The following TG variants were observed in gnomAD, a reference collection of about 807,000 sequenced individuals.
The protein encoded by TG is thyroglobulin.
In TG, 270 loss-of-function variants were observed where a neutral mutation model predicts 324.7. The observed-to-expected ratio is 0.83, with a 90% CI of 0.75 to 0.92. The LOEUF (loss-of-function observed/expected upper bound fraction) is 0.92, where lower values mean the gene tolerates loss of function less well. TG is among the 40% of genes least tolerant of loss of function. TG has a pLI of 0.00. For synonymous variants in TG, 1,401 were observed against 1,327.0 expected, an observed-to-expected ratio of 1.06 and a Z score of -1.21; for missense variants, 3,591 against 3,456.4, an observed-to-expected ratio of 1.04 and a Z score of -0.98.
chr8:133,124,051 G>A (rs1004779275), intron 45 of TG, among the ~76,000 whole-genome samples: 22 of 152,222 alleles, frequency 1.4e-4, no homozygotes, highest in African/African-American at 5.1e-4. Flanking sequence ...GTCCTTAGAA[G>A]AAAGCAAACA....
intron 35 of TG, among the ~76,000 whole-genome samples, chr8:133,001,614 T>C (rs1833506715): frequency 6.6e-6 from 1 of 152,262 alleles, no homozygotes; most frequent in South Asian, 2.1e-4. Flanking sequence ...CTCACTTGAA[T>C]GATGGTCTCT....
chr8:132,922,531 C>T (rs1821252538), intron 21 of TG, among the ~76,000 whole-genome samples: 1 of 152,068 alleles, frequency 6.6e-6, no homozygotes, highest in African/African-American at 2.4e-5. Flanking sequence ...GGTGTGGGTC[C>T]CTGGGATAGT....
At chr8:132,923,255 G>A (rs1821357268) in intron 21 of TG, 83 bp from the exon 22 acceptor site, 24 of 1,493,358 alleles carry the variant, frequency 1.6e-5, no homozygotes, top group African/African-American at 2.8e-5. Flanking sequence ...TGGACACCTT[G>A]TCAATGACCG....
At position 132,882,945 on chromosome 8, in the gene TG, G is replaced by A. The variant is rs759789389; in HGVS notation, c.1021G>A (p.Ala341Thr). 2 of 1,614,142 alleles carry A rather than the reference G, an allele frequency of 1.2e-6. No individual in the cohort carries two copies. Among genetic ancestry groups the A allele is most frequent in the Non-Finnish European group, 1.7e-6 (2 of 1,179,998 alleles). Residue 341 changes from alanine to threonine, a missense_variant, in exon 8 of 48, where the codon GCC becomes ACC. Transcript: ENST00000220616. ...GGAAGGGCCCTGCTGGTGTGTGGAC[G>A]CCCAGGGGAAGGAAATGCATGGAAC... ...QTEGPCWCVD[A>T]QGKEMHGTRQ... is the part of the protein sequence containing the mutation.
At position 132,886,841 on chromosome 8, in the gene TG, G is replaced by A. The variant is rs1815493501; in HGVS notation, c.1469G>A (p.Gly490Asp). Reference protein sequence around the residue: ...VGQFNLSGALGTRGTFNFSQF... With the variant: ...VGQFNLSGALDTRGTFNFSQF... ...CAGTTTAACTTGTCTGGAGCCCTTG[G>A]CACAAGAGGCACATTTAACTTCAGT... Residue 490 changes from glycine to aspartate, a missense_variant, in exon 9 of 48, where the codon GGC (glycine) becomes GAC (aspartate). Transcript: ENST00000220616. The A allele has an allele frequency of 6.2e-7, 1 of 1,614,040 alleles. No homozygotes were observed. The highest frequency in any genetic ancestry group is 1.1e-5 in the South Asian group (1 of 91,086).
intron 10 of TG, 129 bp downstream of exon 10, chr8:132,888,697 A>G (rs1475620504): frequency 1.9e-6 from 2 of 1,034,438 alleles, no homozygotes; most frequent in South Asian, 3.5e-5. Context: ...GAGTTTAGAG[A>G]TGGCTGAGAA....
intron 10 of TG, among the ~76,000 whole-genome samples, chr8:132,888,959 T>A (rs1256353339): frequency 6.6e-6 from 1 of 152,194 alleles, no homozygotes; most frequent in African/African-American, 2.4e-5. Flanking sequence ...GGTGTACCTT[T>A]TAATTGACCA....
chr8:133,055,079 C>T (rs1841126470), intron 41 of TG, among the ~76,000 whole-genome samples: 1 of 152,068 alleles, frequency 6.6e-6, no homozygotes, highest in Non-Finnish European at 1.5e-5. Flanking sequence ...GATTTCAAAG[C>T]CCAGGGTCCT....
intron 39 of TG, 45 bp from the exon 40 acceptor site, chr8:133,021,946 G>T: frequency 1.2e-6 from 2 of 1,613,024 alleles, no homozygotes. Flanking sequence ...CATGGGAAAG[G>T]TGCCCTCCCC....
Position 133,044,920 on chromosome 8 carries a change from C to T in TG, c.7239+14897C>T. 1.3e-6 allele frequency: 2 copies of T among 1,558,710 alleles called. 1 individual carries two copies. Among genetic ancestry groups the T allele is most frequent in the South Asian group, 2.2e-5 (2 of 89,644 alleles). On this transcript the variant is annotated intron_variant, in intron 41 of 47. Transcript: ENST00000220616. ...CCCTCTGCATTCCAGACGGATGGCGCCACAGAGCAATTAGCTAAGAGGGGT... is the reference window on the plus strand; with the variant it reads ...CCCTCTGCATTCCAGACGGATGGCGTCACAGAGCAATTAGCTAAGAGGGGT...
chr8:133,009,836 A>G (rs1354810676), intron 35 of TG, among the ~76,000 whole-genome samples: 2 of 151,644 alleles, frequency 1.3e-5, no homozygotes, highest in African/African-American at 2.4e-5. Context: ...TCAAACTTCC[A>G]GCCTCCAGAA....
At chr8:133,071,091 T>C (rs892550251) in intron 41 of TG, among the ~76,000 whole-genome samples, 1 of 152,210 alleles carries the variant, frequency 6.6e-6, no homozygotes, top group Non-Finnish European at 1.5e-5. Context: ...GCTGGAGGCC[T>C]CCCTGTGTCC....
chr8:132,973,614 G>A (rs59077827), intron 34 of TG, among the ~76,000 whole-genome samples: 3,677 of 152,230 alleles, frequency 0.024, 120 homozygotes, highest in African/African-American at 0.081. Context: ...TGAAAACAGC[G>A]AATGAGACTC....
Position 133,031,687 on chromosome 8 carries a change from G to T in TG, c.7239+1664G>T, listed in dbSNP as rs1030510803. ...GTGTCATTGTTTGGGCGCAACTGAT[G>T]CTAGGTCAGCATTGTCACCATTGCC... On this transcript the variant is annotated intron_variant, in intron 41 of 47. Coordinates refer to ENST00000220616, the MANE Select transcript of TG (RefSeq NM_003235.5). 2.0e-5 allele frequency among the ~76,000 whole-genome samples: 3 copies of T among 152,284 alleles called. No individual in the cohort carries two copies. The South Asian group carries it at 6.2e-4, about 32-fold the overall frequency.
rs757815753 is a variant in TG, at chr8:133,096,341, G to T, written c.7540G>T (p.Asp2514Tyr). The T allele has an allele frequency of 6.2e-7, 1 of 1,614,184 alleles. No homozygotes were observed. The highest frequency in any genetic ancestry group is 1.7e-5 in the Admixed American group (1 of 60,014). The part of the protein sequence containing the change: ...VDLLIGSSQD[D>Y]GLINRAKAVK... ...TCTGCTCATTGGGAGTTCTCAGGAC[G>T]ACGGGCTCATCAACAGAGCAAAGGC... Residue 2514 changes from aspartate to tyrosine, a missense_variant, in exon 43 of 48, where the codon GAC becomes TAC. Transcript: ENST00000220616.
At chr8:133,128,332 GGCGTGCACACA>G (rs1851681492) in intron 45 of TG, among the ~76,000 whole-genome samples, 1 of 148,814 alleles carries the variant, frequency 6.7e-6, no homozygotes, top group African/African-American at 2.5e-5. Flanking sequence ...TGAAACAAAA[GGCGTGCACACA>G]CACACACACA....
At chr8:133,040,063 T>G (rs1290131393) in intron 41 of TG, 1 of 1,555,418 alleles carries the variant, frequency 6.4e-7, no homozygotes, top group South Asian at 1.2e-5. Flanking sequence ...AGGCCCTCAC[T>G]GCTGGGGCAG....
intron 40 of TG, among the ~76,000 whole-genome samples, chr8:133,026,645 C>T (rs879458019): frequency 3.3e-5 from 5 of 152,268 alleles, no homozygotes; most frequent in African/African-American, 4.8e-5. Context: ...AGAGGAAATG[C>T]GCTTTGGCCA....
chr8:132,970,895 G>T (rs1311007940), intron 32 of TG, among the ~76,000 whole-genome samples: 1 of 152,180 alleles, frequency 6.6e-6, no homozygotes, highest in South Asian at 2.1e-4. Context: ...GAGGTGACTT[G>T]CAGGCATCAG....
Sources: gnomAD v4.1 joint callset for allele counts (sites outside exome capture counted in the v4.1 genomes callset) on GRCh38, gnomAD v4.1.1 for gene constraint, MANE v1.5 for transcripts, NCBI Gene and HGNC (gene_info 2026-07-23, HGNC 2026-07-21) for gene names.